The following SLC16A10 variants were observed in gnomAD, a reference collection of about 807,000 sequenced individuals.
SLC16A10 encodes the protein monocarboxylate transporter 10.
SLC16A10 carries 27 observed loss-of-function variants against 40.0 expected under a neutral mutation model. That is an observed-to-expected ratio of 0.67 (90% CI 0.50 to 0.93). The LOEUF (loss-of-function observed/expected upper bound fraction) is 0.93, where lower values mean the gene tolerates loss of function less well. SLC16A10 is among the 40% of genes least tolerant of loss of function. SLC16A10 has a pLI of 0.00. For synonymous variants in SLC16A10, 213 were observed against 249.8 expected (o/e 0.85, Z 1.39); for missense variants, 529 against 658.2 (o/e 0.80, Z 2.15).
chr6:111,091,080 C>G (rs1562393601), intron 1 of SLC16A10: 1 of 152,158 alleles, frequency 6.6e-6, no homozygotes, highest in East Asian at 1.9e-4. Flanking sequence ...CTCTGATAGA[C>G]TTTGTTAATA....
chr6:111,172,921 C>T, intron 2 of SLC16A10, 82 bp downstream of exon 2: 1 of 1,495,118 alleles, frequency 6.7e-7, no homozygotes, highest in Non-Finnish European at 9.1e-7. Context: ...ATGCTATTTA[C>T]AAGCAAAGAT....
intron 1 of SLC16A10, among the ~76,000 whole-genome samples, chr6:111,090,975 G>A (rs1185997848): frequency 1.3e-5 from 2 of 152,140 alleles, no homozygotes; most frequent in East Asian, 3.8e-4. Flanking sequence ...GTGGTGGAAT[G>A]GAATCTAGGT....
intron 4 of SLC16A10, among the ~76,000 whole-genome samples, chr6:111,213,260 G>C (rs1206330533): frequency 6.6e-6 from 1 of 152,156 alleles, no homozygotes; most frequent in Non-Finnish European, 1.5e-5. Flanking sequence ...GATGCAAACC[G>C]AACTGTTAAG....
At chr6:111,141,517 T>C (rs1771981575) in intron 1 of SLC16A10, among the ~76,000 whole-genome samples, 1 of 151,718 alleles carries the variant, frequency 6.6e-6, no homozygotes, top group Non-Finnish European at 1.5e-5. Context: ...ACAAAATAAG[T>C]TGGGTGTGGT....
chr6:111,153,223 T>G (rs1772204914), intron 1 of SLC16A10, among the ~76,000 whole-genome samples: 1 of 152,148 alleles, frequency 6.6e-6, no homozygotes, highest in Non-Finnish European at 1.5e-5. Flanking sequence ...CTAGCTTAGG[T>G]GCACTGGCAA....
intron 1 of SLC16A10, among the ~76,000 whole-genome samples, chr6:111,166,403 T>G (rs1228136857): frequency 8.0e-6 from 1 of 124,404 alleles, no homozygotes; most frequent in Admixed American, 8.4e-5. Flanking sequence ...TAATAATAGT[T>G]ATCTGTAGTA....
At chr6:111,111,160 C>T (rs1771378194) in intron 1 of SLC16A10, among the ~76,000 whole-genome samples, 1 of 151,808 alleles carries the variant, frequency 6.6e-6, no homozygotes, top group African/African-American at 2.4e-5. Context: ...GGTAAATTTA[C>T]CAAAAGGGCA....
intron 1 of SLC16A10, among the ~76,000 whole-genome samples, chr6:111,154,672 G>A (rs62421927): frequency 0.1 from 15,341 of 152,126 alleles, 892 homozygotes; most frequent in Non-Finnish European, 0.14. Flanking sequence ...AGCATCTCTT[G>A]ATGAAAGATG....
chr6:111,147,261 G>A (rs1772096680), intron 1 of SLC16A10, among the ~76,000 whole-genome samples: 1 of 152,070 alleles, frequency 6.6e-6, no homozygotes. Flanking sequence ...AAAATACAGA[G>A]TATAATTCAA....
chr6:111,095,501 C>T lies in SLC16A10; in HGVS notation c.343+7406C>T, dbSNP rs1356912761. On this transcript the variant is annotated intron_variant, in intron 1 of 5. Transcript: ENST00000368851. Reference sequence around the variant, plus strand: ...TTCAACCTATTCTAATAAAGCATTCCGTGAAAGCCATTTTAAAGATGATCC... The same window carrying T: ...TTCAACCTATTCTAATAAAGCATTCTGTGAAAGCCATTTTAAAGATGATCC... 3.3e-5 allele frequency among the ~76,000 whole-genome samples: 5 copies of T among 152,202 alleles called. No homozygotes were observed. In the East Asian group the frequency reaches 5.8e-4, roughly 18 times the overall value.
intron 1 of SLC16A10, among the ~76,000 whole-genome samples, chr6:111,092,485 T>A (rs1470623347): frequency 1.3e-5 from 2 of 151,476 alleles, no homozygotes; most frequent in African/African-American, 4.9e-5. Context: ...CTGGCTAATT[T>A]TTGTATTTTT....
intron 2 of SLC16A10, among the ~76,000 whole-genome samples, chr6:111,176,908 G>A (rs1043547679): frequency 2.0e-5 from 3 of 152,168 alleles, no homozygotes; most frequent in Non-Finnish European, 4.4e-5. Flanking sequence ...GGAGAGCACA[G>A]TTCTCACTCA....
At chr6:111,102,339 G>A (rs1329096378) in intron 1 of SLC16A10, among the ~76,000 whole-genome samples, 1 of 152,056 alleles carries the variant, frequency 6.6e-6, no homozygotes, top group Admixed American at 6.6e-5. Flanking sequence ...CCAATGTTTG[G>A]TTTTATTTTT....
At chr6:111,162,654 A>G (rs1772390290) in intron 1 of SLC16A10, among the ~76,000 whole-genome samples, 1 of 152,230 alleles carries the variant, frequency 6.6e-6, no homozygotes, top group African/African-American at 2.4e-5. Context: ...CAAATTAAGA[A>G]TACTCACAAA....
At chr6:111,153,279 A>G in intron 1 of SLC16A10, among the ~76,000 whole-genome samples, 1 of 152,210 alleles carries the variant, frequency 6.6e-6, no homozygotes, top group East Asian at 1.9e-4. Context: ...TCATGCCTGT[A>G]ATCGCAGCAC....
chr6:111,195,134 A>G (rs1430830481), intron 3 of SLC16A10, among the ~76,000 whole-genome samples: 1 of 152,178 alleles, frequency 6.6e-6, no homozygotes, highest in Non-Finnish European at 1.5e-5. Flanking sequence ...AAAGAAAACT[A>G]CCTATATACA....
At chr6:111,091,283 A>T (rs1025784271) in intron 1 of SLC16A10, 1 of 152,206 alleles carries the variant, frequency 6.6e-6, no homozygotes, top group African/African-American at 2.4e-5. Context: ...TCTCTGTGTC[A>T]TTCCAATTTT....
intron 1 of SLC16A10, among the ~76,000 whole-genome samples, chr6:111,170,444 A>G (rs1772563602): frequency 6.6e-6 from 1 of 152,192 alleles, no homozygotes; most frequent in Non-Finnish European, 1.5e-5. Flanking sequence ...CCTAGTATTT[A>G]TATTAGATTC....
At chr6:111,197,307 G>C in intron 3 of SLC16A10, among the ~76,000 whole-genome samples, 1 of 152,114 alleles carries the variant, frequency 6.6e-6, no homozygotes, top group East Asian at 1.9e-4. Flanking sequence ...TTCATGGAAG[G>C]ATCCATTTTT....
Sources: gnomAD v4.1 joint callset for allele counts (sites outside exome capture counted in the v4.1 genomes callset) on GRCh38, gnomAD v4.1.1 for gene constraint, MANE v1.5 for transcripts, NCBI Gene and HGNC (gene_info 2026-07-23, HGNC 2026-07-21) for gene names.